The following LAMA2 variants were observed in gnomAD, a reference collection of about 807,000 sequenced individuals.
LAMA2 encodes the protein laminin subunit alpha-2.
Under a neutral mutation model 364.8 loss-of-function variants are expected in LAMA2, and 269 were observed. That is an observed-to-expected ratio of 0.74 (90% confidence interval 0.67 to 0.82). LAMA2 has a LOEUF of 0.82. LAMA2 is among the 40% of genes least tolerant of loss of function. LAMA2 has a pLI of 0.00. For synonymous variants in LAMA2, 1,379 were observed against 1,370.6 expected, an observed-to-expected ratio of 1.01 and a Z score of -0.14; for missense variants, 3,807 against 3,873.2, an observed-to-expected ratio of 0.98 and a Z score of 0.45.
At chr6:129,034,222 T>C (rs1465057686) in intron 1 of LAMA2, among the ~76,000 whole-genome samples, 2 of 152,156 alleles carry the variant, frequency 1.3e-5, no homozygotes, top group Admixed American at 6.5e-5. Flanking sequence ...TTTGGTTTTT[T>C]GGAGTTTTTT....
chr6:129,355,858 AAAAG>A (rs1777122933), intron 32 of LAMA2, among the ~76,000 whole-genome samples: 2 of 152,186 alleles, frequency 1.3e-5, no homozygotes, highest in Non-Finnish European at 2.9e-5. Flanking sequence ...AACAGAAAAG[AAAAG>A]AAAGAGAGAC....
At chr6:129,062,921 T>G (rs1789029510) in intron 3 of LAMA2, among the ~76,000 whole-genome samples, 1 of 151,638 alleles carries the variant, frequency 6.6e-6, no homozygotes, top group African/African-American at 2.4e-5. Context: ...GGTTTTTTTT[T>G]TTTTTTTTTT....
chr6:129,392,099 A>G (rs1312347252), intron 36 of LAMA2, among the ~76,000 whole-genome samples: 1 of 152,328 alleles, frequency 6.6e-6, no homozygotes, highest in East Asian at 1.9e-4. Flanking sequence ...ACATTTTATC[A>G]TCTTAAGAAA....
chr6:128,972,856 A>G (rs933391460), intron 1 of LAMA2, among the ~76,000 whole-genome samples: 4 of 152,196 alleles, frequency 2.6e-5, no homozygotes, highest in Admixed American at 6.5e-5. Flanking sequence ...TCTAATTCCA[A>G]ATCATCTCTC....
At chr6:129,392,375 C>T (rs1233598098) in intron 36 of LAMA2, among the ~76,000 whole-genome samples, 1 of 152,158 alleles carries the variant, frequency 6.6e-6, no homozygotes, top group Non-Finnish European at 1.5e-5. Context: ...AGACCCCCTC[C>T]CAGACCTCCT....
chr6:129,491,057 C>T (rs968846816), intron 56 of LAMA2: 2 of 152,206 alleles, frequency 1.3e-5, no homozygotes, highest in Non-Finnish European at 2.9e-5. Context: ...TCCAAGTACT[C>T]CGGTTTTCTC....
intron 40 of LAMA2, among the ~76,000 whole-genome samples, chr6:129,405,231 A>G (rs1295997470): frequency 3.3e-5 from 5 of 152,166 alleles, no homozygotes; most frequent in African/African-American, 7.2e-5. Context: ...GTAGGCACTT[A>G]TAAATGAATG....
intron 62 of LAMA2, among the ~76,000 whole-genome samples, chr6:129,510,315 A>G (rs1308009412): frequency 6.6e-6 from 1 of 152,226 alleles, no homozygotes; most frequent in Non-Finnish European, 1.5e-5. Flanking sequence ...ATATGCCAAC[A>G]GCAAACAATC....
chr6:128,930,456 G>A (rs2114513459), intron 1 of LAMA2, among the ~76,000 whole-genome samples: 1 of 152,252 alleles, frequency 6.6e-6, no homozygotes, highest in Non-Finnish European at 1.5e-5. Context: ...TTGAATACGA[G>A]TTTTACAAGC....
chr6:129,302,869 A>C (rs917256029), intron 22 of LAMA2, among the ~76,000 whole-genome samples: 25 of 152,240 alleles, frequency 1.6e-4, no homozygotes, highest in Admixed American at 3.9e-4. Flanking sequence ...CTTTCCAGCA[A>C]GTCATAAAAT....
At chr6:129,173,851 G>A (rs1014768281) in intron 9 of LAMA2, among the ~76,000 whole-genome samples, 11 of 152,066 alleles carry the variant, frequency 7.2e-5, no homozygotes, top group African/African-American at 2.2e-4. Context: ...GAAATACGAT[G>A]TATTTCTTCT....
chr6:129,203,125 A>G (rs1782408759), intron 12 of LAMA2, among the ~76,000 whole-genome samples: 2 of 152,268 alleles, frequency 1.3e-5, no homozygotes, highest in South Asian at 4.1e-4. Flanking sequence ...GGGTTGTAAG[A>G]AGAGTATAAA....
chr6:129,278,286 A>T (rs954183171), intron 17 of LAMA2, among the ~76,000 whole-genome samples: 1 of 152,210 alleles, frequency 6.6e-6, no homozygotes, highest in African/African-American at 2.4e-5. Context: ...CTGATTTAGG[A>T]TTATAAAAAA....
intron 52 of LAMA2, among the ~76,000 whole-genome samples, chr6:129,473,848 C>A (rs888464023): frequency 1.3e-5 from 2 of 152,000 alleles, no homozygotes; most frequent in African/African-American, 4.8e-5. Flanking sequence ...CCCATGCCAA[C>A]ATTTTTTTTT....
chr6:129,330,377 T>G (rs1282470183), intron 29 of LAMA2, among the ~76,000 whole-genome samples: 1 of 151,598 alleles, frequency 6.6e-6, no homozygotes, highest in Non-Finnish European at 1.5e-5. Context: ...ATGTGCCCCC[T>G]CTCCATCTGC....
intron 4 of LAMA2, among the ~76,000 whole-genome samples, chr6:129,113,653 A>G (rs896721125): frequency 2.6e-5 from 4 of 152,098 alleles, no homozygotes; most frequent in African/African-American, 7.2e-5. Flanking sequence ...AGCCTGTAAC[A>G]TAGACAGAAG....
intron 1 of LAMA2, among the ~76,000 whole-genome samples, chr6:128,979,492 A>G (rs926157599): frequency 3.9e-5 from 6 of 152,238 alleles, no homozygotes; most frequent in Non-Finnish European, 7.3e-5. Context: ...AGGAAGGAAG[A>G]GCATGAAAGA....
intron 41 of LAMA2, among the ~76,000 whole-genome samples, chr6:129,428,659 G>A (rs1287726566): frequency 1.3e-5 from 2 of 152,048 alleles, no homozygotes; most frequent in African/African-American, 4.8e-5. Context: ...TGACCAGGCT[G>A]GTCTTGAACT....
chr6:129,031,182 T>A (rs1331103825), intron 1 of LAMA2, among the ~76,000 whole-genome samples: 1 of 152,194 alleles, frequency 6.6e-6, no homozygotes, highest in East Asian at 1.9e-4. Context: ...CAAATCTCAC[T>A]GTGAAAAAAA....
Sources: allele counts gnomAD v4.1 joint callset (sites outside exome capture counted in the v4.1 genomes callset), GRCh38; gene constraint gnomAD v4.1.1; transcripts MANE v1.5; gene names NCBI Gene and HGNC (gene_info 2026-07-23, HGNC 2026-07-21).